Variants in MED6 observed in about 807,000 individuals in gnomAD.
The protein encoded by MED6 is mediator of RNA polymerase II transcription subunit 6.
In MED6, 33 loss-of-function variants were observed where a neutral mutation model predicts 37.5. The ratio of observed to expected loss-of-function variants is 0.88; its 90% CI spans 0.67 to 1.18. The LOEUF (loss-of-function observed/expected upper bound fraction) is 1.18. Among genes scored for constraint, MED6 ranks in the 50% most tolerant of loss-of-function variants. The pLI, the probability that MED6 is intolerant of heterozygous loss-of-function variation, is 0.00. For synonymous variants in MED6, 94 were observed against 93.6 expected (o/e 1.00, Z -0.02); for missense variants, 235 against 290.6 (o/e 0.81, Z 1.39).
chr14:70,585,848 C>A, intron 6 of MED6, 65 bp from the exon 7 acceptor site: 2 of 1,350,292 alleles, frequency 1.5e-6, no homozygotes, highest in Non-Finnish European at 2.0e-6. Context: ...GTCAACTTGG[C>A]AAAATTTCTT....
At position 70,584,105 on chromosome 14, in the gene MED6, T is replaced by TA; in HGVS notation, c.*707_*708insT. ...CATCTTCCAAAATGTCAGCAACTGT[T>TA]TATTTTAATACTGAGGATTATGTAA... On this transcript the variant is annotated 3_prime_UTR_variant, in exon 8 of 8. Transcript: ENST00000256379. 2.9e-6 allele frequency: 2 copies of TA among 699,770 alleles called. No homozygotes were observed. Among genetic ancestry groups the TA allele is most frequent in the South Asian group, 1.6e-5 (1 of 62,976 alleles). The allele number at this position is 699,770 out of a possible 1,614,324, so 43.3% of individuals were successfully genotyped here.
Position 70,594,788 on chromosome 14 carries a change from G to A in MED6, c.275-1410C>T, listed in dbSNP as rs1484610973. 4 of 584,898 alleles carry A rather than the reference G, an allele frequency of 6.8e-6. No individual in the cohort carries two copies. In the East Asian group the frequency reaches 1.4e-4, roughly 20 times the overall value. 36.2% of individuals were successfully genotyped at this position (584,898 alleles called of 1,614,324 possible). On this transcript the variant is annotated intron_variant, in intron 3 of 7. Transcript: ENST00000256379. The stretch of plus-strand genomic sequence containing the variant: ...AGGAATGGGAGGCATCCAGAACGAG[G>A]AGGAGACCATGCAAAGCCTGAACCT...
intron 6 of MED6, 85 bp from the exon 7 acceptor site, chr14:70,585,868 G>A (rs1884693327): frequency 9.5e-7 from 1 of 1,048,040 alleles, no homozygotes; most frequent in Non-Finnish European, 1.4e-6. Context: ...TCTTCCTGAT[G>A]TCATATTAAT....
At chr14:70,591,858 A>G (rs1884880537) in intron 5 of MED6, 1 of 152,428 alleles carries the variant, frequency 6.6e-6, no homozygotes, top group Admixed American at 6.5e-5. Flanking sequence ...ATAATAAAAC[A>G]GAAAATTATG....
At chr14:70,590,403 T>G (rs1307829248) in intron 6 of MED6, among the ~76,000 whole-genome samples, 1 of 152,192 alleles carries the variant, frequency 6.6e-6, no homozygotes, top group Admixed American at 6.5e-5. Flanking sequence ...CTGAGTTCCA[T>G]CTTGTGTCCT....
Position 70,584,533 on chromosome 14 carries a change from G to A in MED6, c.*280C>T, listed in dbSNP as rs926082978. The A allele has an allele frequency of 9.6e-6, 3 of 313,080 alleles. No homozygotes were observed. The highest frequency in any genetic ancestry group is 9.3e-5 in the Admixed American group (2 of 21,408). The allele number at this position is 313,080 out of a possible 1,614,324, so 19.4% of individuals were successfully genotyped here. On this transcript the variant is annotated 3_prime_UTR_variant, in exon 8 of 8. Coordinates refer to ENST00000256379, the MANE Select transcript of MED6 (RefSeq NM_005466.4). The stretch of plus-strand genomic sequence containing the variant: ...TGGGACTATGGGCGCCCGCCACCAC[G>A]CCCGGCTAATTTTTGTATTTTTAGT...
chr14:70,590,181 T>C (rs566597755), intron 6 of MED6, among the ~76,000 whole-genome samples: 1 of 152,348 alleles, frequency 6.6e-6, no homozygotes, highest in South Asian at 2.1e-4. Flanking sequence ...GTTACCATAC[T>C]GGACAGCACA....
At chr14:70,588,609 C>T (rs987949921) in intron 6 of MED6, among the ~76,000 whole-genome samples, 2 of 151,500 alleles carry the variant, frequency 1.3e-5, no homozygotes, top group African/African-American at 4.8e-5. Context: ...TGGCGTGAAC[C>T]TGGGAGGTGG....
rs1240387920 is a variant in MED6 at position 70,584,409 on chromosome 14, C to G, written c.*404G>C. The G allele has an allele frequency of 8.0e-6, 3 of 373,240 alleles. No homozygotes were observed. Among genetic ancestry groups the G allele is most frequent in the African/African-American group, 6.3e-5 (3 of 47,892 alleles). The allele number at this position is 373,240 out of a possible 1,614,324, so 23.1% of individuals were successfully genotyped here. A position where few individuals can be genotyped will look rare whatever the true frequency, so the allele number is the denominator to read the frequency against. ...TTCTTTTTTGAGACAAAGTCTCGCT[C>G]TGTCGCCCAAGCTGGAGTGCAACAG... On this transcript the variant is annotated 3_prime_UTR_variant, in exon 8 of 8. Transcript: ENST00000256379.
intron 3 of MED6, 41 bp from the exon 4 acceptor site, chr14:70,593,419 A>G: frequency 7.9e-6 from 11 of 1,397,540 alleles, no homozygotes; most frequent in Non-Finnish European, 1.1e-5. Context: ...ACAGCTATGG[A>G]CACAAACTGC....
chr14:70,587,551 G>A (rs986559576), intron 6 of MED6, among the ~76,000 whole-genome samples: 26 of 152,162 alleles, frequency 1.7e-4, no homozygotes, highest in African/African-American at 5.3e-4. Flanking sequence ...TTTTTCTACT[G>A]TCAGCACTGA....
chr14:70,597,884 T>G, intron 1 of MED6, 107 bp from the exon 2 acceptor site: 1 of 852,762 alleles, frequency 1.2e-6, no homozygotes, highest in Non-Finnish European at 1.7e-6. Context: ...AATATAAGGA[T>G]GACATAGATC....
Position 70,584,838 on chromosome 14 carries a change from G to C in MED6, c.716C>G (p.Pro239Arg). 6.2e-7 allele frequency: 1 copy of C among 1,613,862 alleles called. No homozygotes were observed. The highest frequency in any genetic ancestry group is 1.1e-5 in the South Asian group (1 of 91,020). The change falls in exon 8 of 8, where the codon CCT (proline) becomes CGT (arginine). Residue 239 changes from proline to arginine, a missense_variant. By Grantham distance (103) the Pro-to-Arg change is moderately radical. Transcript: ENST00000256379. ...TCACTGAAGTCTCATCCGTTTTTCAGGGGGGCCTTTAGCACTCACTGTCTG... is the reference window on the plus strand; with the variant it reads ...TCACTGAAGTCTCATCCGTTTTTCACGGGGGCCTTTAGCACTCACTGTCTG... The part of the protein sequence containing the change: ...VQQTVSAKGP[P>R]EKRMRLQ
chr14:70,594,055 A>G (rs1382829272), intron 3 of MED6, among the ~76,000 whole-genome samples: 1 of 152,188 alleles, frequency 6.6e-6, no homozygotes, highest in Non-Finnish European at 1.5e-5. Context: ...TTTGTAACTG[A>G]TTTTGGATTC....
intron 7 of MED6, among the ~76,000 whole-genome samples, chr14:70,585,519 A>G (rs1377938124): frequency 6.6e-6 from 1 of 151,992 alleles, no homozygotes; most frequent in Admixed American, 6.6e-5. Flanking sequence ...ATGTGGCCCA[A>G]CACAAATCTG....
At chr14:70,590,826 T>C (rs1884847656) in intron 6 of MED6, among the ~76,000 whole-genome samples, 1 of 152,246 alleles carries the variant, frequency 6.6e-6, no homozygotes, top group South Asian at 2.1e-4. Flanking sequence ...CCTCTGTTTA[T>C]TATGCCAAAC....
Position 70,591,296 on chromosome 14 carries a change from G to T in MED6, c.552C>A (p.Leu184=), listed in dbSNP as rs1301036517. 1.9e-6 allele frequency: 3 copies of T among 1,611,906 alleles called. No homozygotes were observed. In the East Asian group the frequency reaches 6.7e-5, roughly 36 times the overall value. The stretch of plus-strand genomic sequence containing the variant: ...CAAATTTGGGTGGAAATTTTTGTCT[G>T]AGGTCTAAAAGTAAAGCATCCACAC... ...RQRVDALLLD[L]RQKFPPKFVQ... Residue 184 remains leucine, a synonymous_variant, in exon 6 of 8, where the codon CTC becomes CTA. Transcript: ENST00000256379.
In MED6 at chr14:70,584,060, G is replaced by T; in HGVS notation, c.*753C>A. 1.6e-6 allele frequency: 1 copy of T among 610,314 alleles called. No individual in the cohort carries two copies. The highest frequency in any genetic ancestry group is 2.2e-5 in the South Asian group (1 of 46,498). The allele number at this position is 610,314 out of a possible 1,614,324, so 37.8% of individuals were successfully genotyped here. On this transcript the variant is annotated 3_prime_UTR_variant, in exon 8 of 8. Coordinates refer to ENST00000256379, the MANE Select transcript of MED6 (RefSeq NM_005466.4). ...ATTTATAGGGTAATGGTATTGGTGAGTGAGGTTTTTCCTTTTCTTCATCTT... is the reference window on the plus strand; with the variant it reads ...ATTTATAGGGTAATGGTATTGGTGATTGAGGTTTTTCCTTTTCTTCATCTT...
chr14:70,595,153 T>C (rs1885005450), intron 3 of MED6: 2 of 366,536 alleles, frequency 5.5e-6, no homozygotes, highest in Non-Finnish European at 1.0e-5. Context: ...GCTACAGAGA[T>C]TGAGGCTCTC....
Sources: allele counts gnomAD v4.1 joint callset (sites outside exome capture counted in the v4.1 genomes callset), GRCh38; gene constraint gnomAD v4.1.1; transcripts MANE v1.5; gene names NCBI Gene and HGNC (gene_info 2026-07-23, HGNC 2026-07-21).